NXPH1: variants seen among roughly 807,000 people sequenced by gnomAD.
The protein encoded by NXPH1 is neurexophilin-1.
Under a neutral mutation model 23.7 loss-of-function variants are expected in NXPH1, and 5 were observed. That is an observed-to-expected ratio of 0.21 (90% CI 0.11 to 0.44). The LOEUF (loss-of-function observed/expected upper bound fraction) is 0.44. NXPH1 is among the 20% of genes least tolerant of loss of function. The pLI is 0.99. For synonymous variants in NXPH1, 144 were observed against 122.2 expected (o/e 1.18, Z -1.18); for missense variants, 324 against 321.6 (o/e 1.01, Z -0.06).
chr7:8,580,509 T>C (rs1818845159), intron 2 of NXPH1, among the ~76,000 whole-genome samples: 1 of 152,096 alleles, frequency 6.6e-6, no homozygotes, highest in Non-Finnish European at 1.5e-5. Flanking sequence ...GAGAGGCTGA[T>C]CCTTGGAAAA....
rs961510613 is a variant in NXPH1, at chr7:8,604,276, A to T, written c.55-146732A>T. Among the ~76,000 whole-genome samples the T allele has an allele frequency of 3.3e-5, 5 of 152,160 alleles. No homozygotes were observed. The East Asian group carries it at 9.6e-4, about 29-fold the overall frequency. ...TCAATGTTCTCTGCAACCCTTTTCA[A>T]TATAGCCTGATCTTTTATATTTCTA... On this transcript the variant is annotated intron_variant, in intron 2 of 2. Transcript: ENST00000405863.
In NXPH1 at chr7:8,650,083, AAGG is replaced by A. The variant is rs1423773983; in HGVS notation, c.55-100923_55-100921del. Among the ~76,000 whole-genome samples, 3 of 152,192 alleles carry A rather than the reference AAGG, an allele frequency of 2.0e-5. 1 individual carries two copies. The highest frequency in any genetic ancestry group is 7.2e-5 in the African/African-American group (3 of 41,460). ...TGCTATTTCTGGACAGTTGTACAAG[AAGG>A]ATGCAATGAACAATTTTTATCTTAA... On this transcript the variant is annotated intron_variant, in intron 2 of 2. Transcript: ENST00000405863.
intron 2 of NXPH1, among the ~76,000 whole-genome samples, chr7:8,718,234 A>G (rs900587918): frequency 6.6e-6 from 1 of 152,172 alleles, no homozygotes; most frequent in African/African-American, 2.4e-5. Context: ...TTTGATTAAA[A>G]CATAGTTATG....
At chr7:8,684,669 C>T (rs1230052606) in intron 2 of NXPH1, among the ~76,000 whole-genome samples, 1 of 152,136 alleles carries the variant, frequency 6.6e-6, no homozygotes, top group Non-Finnish European at 1.5e-5. Flanking sequence ...ACCGGATATA[C>T]TCATTAATTA....
At chr7:8,680,962 G>A (rs1583227956) in intron 2 of NXPH1, among the ~76,000 whole-genome samples, 1 of 152,234 alleles carries the variant, frequency 6.6e-6, no homozygotes, top group African/African-American at 2.4e-5. Context: ...AGGGTTAAGA[G>A]ACTATTGAAC....
intron 2 of NXPH1, among the ~76,000 whole-genome samples, chr7:8,648,421 T>C (rs71529598): frequency 0.72 from 109,228 of 151,782 alleles, 39,840 homozygotes; most frequent in East Asian, 1. Context: ...TGATGTTTGT[T>C]TTTCTGTGTC....
chr7:8,545,370 CAAAAT>C (rs1376254734), intron 2 of NXPH1, among the ~76,000 whole-genome samples: 1 of 150,864 alleles, frequency 6.6e-6, no homozygotes, highest in Non-Finnish European at 1.5e-5. Flanking sequence ...TTATGTTGCT[CAAAAT>C]AAAATATTTT....
chr7:8,727,472 T>A lies in NXPH1; in HGVS notation c.55-23536T>A, dbSNP rs966750675. Among the ~76,000 whole-genome samples, 58 of 147,908 alleles carry A rather than the reference T, an allele frequency of 3.9e-4. 1 individual carries two copies. Among genetic ancestry groups the A allele is most frequent in the Non-Finnish European group, 6.1e-4 (41 of 67,284 alleles). On this transcript the variant is annotated intron_variant, in intron 2 of 2. Coordinates refer to ENST00000405863, the MANE Select transcript of NXPH1 (RefSeq NM_152745.3). Reference sequence around the variant, plus strand: ...CTTTTAGGGTTTTTATGGTTTTAGGTCTAACGTTTAAGTCTTTAATCCATC... The same window carrying A: ...CTTTTAGGGTTTTTATGGTTTTAGGACTAACGTTTAAGTCTTTAATCCATC...
chr7:8,689,126 G>A (rs1263532172), intron 2 of NXPH1, among the ~76,000 whole-genome samples: 1 of 152,136 alleles, frequency 6.6e-6, no homozygotes, highest in East Asian at 1.9e-4. Context: ...TTGATAGAAT[G>A]AGAGTATATA....
At chr7:8,732,494 A>C (rs1780175071) in intron 2 of NXPH1, among the ~76,000 whole-genome samples, 3 of 152,232 alleles carry the variant, frequency 2.0e-5, no homozygotes, top group Admixed American at 2.0e-4. Context: ...TTCAGGTAGA[A>C]AGAAGCAATT....
At chr7:8,565,047 T>C (rs560106953) in intron 2 of NXPH1, among the ~76,000 whole-genome samples, 1 of 151,912 alleles carries the variant, frequency 6.6e-6, no homozygotes, top group East Asian at 2.0e-4. Flanking sequence ...AGGGAGCTTT[T>C]GTTGAGAACT....
chr7:8,650,982 ATTC>A (rs902495392), intron 2 of NXPH1, among the ~76,000 whole-genome samples: 30 of 151,886 alleles, frequency 2.0e-4, no homozygotes, highest in Non-Finnish European at 1.2e-4. Flanking sequence ...TTTATTTATT[ATTC>A]TTATACTTTA....
chr7:8,511,291 G>A (rs1817607279), intron 2 of NXPH1, among the ~76,000 whole-genome samples: 1 of 152,102 alleles, frequency 6.6e-6, no homozygotes, highest in African/African-American at 2.4e-5. Flanking sequence ...TTACTGAAGA[G>A]TCTGTTTTCT....
chr7:8,445,279 T>C (rs943386244), intron 2 of NXPH1, among the ~76,000 whole-genome samples: 1 of 152,130 alleles, frequency 6.6e-6, no homozygotes, highest in Non-Finnish European at 1.5e-5. Context: ...TAAAGAGAGG[T>C]CCCAATAAAG....
intron 2 of NXPH1, among the ~76,000 whole-genome samples, chr7:8,477,912 C>T (rs950038492): frequency 6.6e-6 from 1 of 152,112 alleles, no homozygotes; most frequent in African/African-American, 2.4e-5. Context: ...ACTCCCTTAT[C>T]AGCTTTTAAA....
At chr7:8,559,149 G>A (rs1297947311) in intron 2 of NXPH1, among the ~76,000 whole-genome samples, 1 of 151,290 alleles carries the variant, frequency 6.6e-6, no homozygotes. Flanking sequence ...TTAGAGACAA[G>A]GTCCCATTAT....
intron 2 of NXPH1, among the ~76,000 whole-genome samples, chr7:8,735,553 G>A (rs1020622488): frequency 2.0e-5 from 3 of 152,104 alleles, no homozygotes; most frequent in South Asian, 4.1e-4. Flanking sequence ...ATTTTATTGA[G>A]GATTTTCACA....
chr7:8,540,544 G>A (rs1414918619), intron 2 of NXPH1, among the ~76,000 whole-genome samples: 1 of 151,754 alleles, frequency 6.6e-6, no homozygotes, highest in African/African-American at 2.4e-5. Context: ...CCCTAAGTGA[G>A]GAGATGAAGC....
intron 2 of NXPH1, among the ~76,000 whole-genome samples, chr7:8,571,336 A>G (rs761690419): frequency 5.3e-5 from 8 of 151,860 alleles, no homozygotes; most frequent in Non-Finnish European, 8.8e-5. Context: ...AGTGGGTAGT[A>G]AAGAGGATGC....
Sources: gnomAD v4.1 joint callset for allele counts (sites outside exome capture counted in the v4.1 genomes callset) on GRCh38, gnomAD v4.1.1 for gene constraint, MANE v1.5 for transcripts, NCBI Gene and HGNC (gene_info 2026-07-23, HGNC 2026-07-21) for gene names.